Variants in LRP1 observed in about 807,000 individuals in gnomAD.
LRP1 encodes the protein LDL receptor related protein 1, also known as prolow-density lipoprotein receptor-related protein 1.
Under a neutral mutation model 541.5 loss-of-function variants are expected in LRP1, and 51 were observed. That is an observed-to-expected ratio of 0.09 (90% CI 0.08 to 0.12). The LOEUF (loss-of-function observed/expected upper bound fraction) is 0.12, where lower values mean the gene tolerates loss of function less well. LRP1 is among the 10% of genes least tolerant of loss of function. The pLI, the probability that LRP1 is intolerant of heterozygous loss-of-function variation, is 1.00. For missense variants in LRP1, 3,878 were observed against 6,376.2 expected (o/e 0.61, Z 13.34); for synonymous variants, 2,219 against 2,470.8 (o/e 0.90, Z 3.02).
chr12:57,196,628 G>A (rs560994176), intron 55 of LRP1, among the ~76,000 whole-genome samples: 59 of 152,198 alleles, frequency 3.9e-4, no homozygotes, highest in Non-Finnish European at 7.5e-4. Context: ...CAAGGGAGCA[G>A]TGTAGGTGGA....
At chr12:57,182,061 G>A (rs145817261) in intron 34 of LRP1, among the ~76,000 whole-genome samples, 15 of 152,250 alleles carry the variant, frequency 9.9e-5, no homozygotes, top group East Asian at 3.9e-4. Context: ...TTTTTCAAGC[G>A]TTTGGGGTTT....
chr12:57,169,666 T>C lies in LRP1; in HGVS notation c.3163+359T>C, dbSNP rs141768943. On this transcript the variant is annotated intron_variant, in intron 20 of 88. Coordinates refer to ENST00000243077, the MANE Select transcript of LRP1 (RefSeq NM_002332.3). Reference sequence around the variant, plus strand: ...AATAGCACCAACATCACAGCGCTGATGTGGGAGTTTAGTGAGATCACGCAC... The same window carrying C: ...AATAGCACCAACATCACAGCGCTGACGTGGGAGTTTAGTGAGATCACGCAC... 4.9e-3 allele frequency among the ~76,000 whole-genome samples: 752 copies of C among 152,304 alleles called. 3 individuals are homozygous for C. Among genetic ancestry groups the C allele is most frequent in the Non-Finnish European group, 8.1e-3 (553 of 68,008 alleles).
chr12:57,139,962 A>G (rs1368009002), intron 2 of LRP1, among the ~76,000 whole-genome samples: 2 of 152,218 alleles, frequency 1.3e-5, no homozygotes, highest in Non-Finnish European at 2.9e-5. Flanking sequence ...ACTCCCATCC[A>G]GGCACACATG....
intron 79 of LRP1, 118 bp from the exon 80 acceptor site, chr12:57,209,574 T>A: frequency 1.2e-6 from 1 of 808,844 alleles, no homozygotes; most frequent in Non-Finnish European, 2.1e-6. Flanking sequence ...GGAGAGAGAA[T>A]TTGGTCTGGA....
At chr12:57,174,085 G>A in intron 22 of LRP1, 105 bp downstream of exon 22, 2 of 1,201,132 alleles carry the variant, frequency 1.7e-6, no homozygotes. Context: ...AGCTCTGGCA[G>A]CCGGGCAGGC....
rs963947488 is a variant in LRP1 at position 57,195,409 on chromosome 12, G to A, written c.8437+10G>A. The A allele has an allele frequency of 8.7e-6, 14 of 1,602,306 alleles. No individual in the cohort carries two copies. Among genetic ancestry groups the A allele is most frequent in the African/African-American group, 8.0e-5 (6 of 74,904 alleles). ...ATCGCAGCTGGTTGCTGTGAGTGGC[G>A]GGGCCACGTGGAGCGGGTGGACAGC... On this transcript the variant is annotated intron_variant, in intron 52 of 88. Coordinates refer to ENST00000243077, the MANE Select transcript of LRP1 (RefSeq NM_002332.3).
rs76276839 is a variant in LRP1 at position 57,148,095 on chromosome 12, T to C, written c.841+2605T>C. Among the ~76,000 whole-genome samples the C allele has an allele frequency of 8.9e-3, 1,351 of 151,802 alleles. 20 individuals carry two copies. The highest frequency in any genetic ancestry group is 0.03 in the African/African-American group (1,245 of 41,362). Reference sequence around the variant, plus strand: ...CCAGTACCAAGAGCAGCCCTGGCTTTCACTACTGCTTTCTCAAAGGGGCTA... The same window carrying C: ...CCAGTACCAAGAGCAGCCCTGGCTTCCACTACTGCTTTCTCAAAGGGGCTA... On this transcript the variant is annotated intron_variant, in intron 6 of 88. Transcript: ENST00000243077.
At chr12:57,150,221 TCA>T (rs1233616860) in intron 6 of LRP1, among the ~76,000 whole-genome samples, 1 of 115,730 alleles carries the variant, frequency 8.6e-6, no homozygotes, top group African/African-American at 3.4e-5. Flanking sequence ...AGATGGAGTC[TCA>T]CTCTGTCGCC....
At chr12:57,148,989 T>C (rs1489754146) in intron 6 of LRP1, 1 of 657,570 alleles carries the variant, frequency 1.5e-6, no homozygotes, top group East Asian at 2.9e-5. Context: ...AGTGTGTGTG[T>C]TTTCGAAATC....
In LRP1 at chr12:57,185,043, T is replaced by G. The variant is rs2036241108; in HGVS notation, c.6339-38T>G. Reference sequence around the variant, plus strand: ...GCTGATCTCTTCCTTCCCTCCTGCCTCCACTGATGCCCTGCTTGTGCCCTG... The same window carrying G: ...GCTGATCTCTTCCTTCCCTCCTGCCGCCACTGATGCCCTGCTTGTGCCCTG... On this transcript the variant is annotated intron_variant, in intron 39 of 88. Transcript: ENST00000243077. This position sits in a 1 kb window ranked among gnomAD's most constrained non-coding sequence, Gnocchi z 4.9. 6.2e-7 allele frequency: 1 copy of G among 1,614,014 alleles called. No individual in the cohort carries two copies. Among genetic ancestry groups the G allele is most frequent in the Non-Finnish European group, 8.5e-7 (1 of 1,179,904 alleles).
rs1253957470 is a variant in LRP1 at position 57,169,173 on chromosome 12, G to C, written c.3029G>C (p.Gly1010Ala). The C allele has an allele frequency of 2.5e-6, 4 of 1,612,420 alleles. No homozygotes were observed. Among genetic ancestry groups the C allele is most frequent in the African/African-American group, 1.3e-5 (1 of 75,026 alleles). The change falls in exon 20 of 89, where the codon GGC becomes GCC. Residue 1010 changes from glycine to alanine, a missense_variant. Gly to Ala is a moderately conservative substitution (Grantham distance 60). Transcript: ENST00000243077. Reference protein sequence around the residue: ...NDCGDNSDEAGCSHSCSSTQF... With the variant: ...NDCGDNSDEAACSHSCSSTQF... The stretch of plus-strand genomic sequence containing the variant: ...TGTGGGGACAACAGTGACGAAGCCG[G>C]CTGCAGCCACTCCTGTTCTAGCACC...
chr12:57,156,984 C>T lies in LRP1; in HGVS notation c.1561+64C>T. On this transcript the variant is annotated intron_variant, in intron 10 of 88. Transcript: ENST00000243077. This position sits in a 1 kb window ranked among gnomAD's most constrained non-coding sequence, Gnocchi z 5.2. ...CTGCGGGAGGGTTCCTCAGGTGTCCCCCACAGCCCGGCTGCCTCTGTCTGA... is the reference window on the plus strand; with the variant it reads ...CTGCGGGAGGGTTCCTCAGGTGTCCTCCACAGCCCGGCTGCCTCTGTCTGA... 1 of 1,476,816 alleles carries T rather than the reference C, an allele frequency of 6.8e-7. No individual in the cohort carries two copies. Among genetic ancestry groups the T allele is most frequent in the South Asian group, 1.4e-5 (1 of 73,338 alleles). The allele number at this position is 1,476,816 out of a possible 1,614,324, so 91.5% of individuals were successfully genotyped here.
In LRP1 at chr12:57,190,931, C is replaced by G; in HGVS notation, c.7158C>G (p.His2386Gln). Residue 2386 changes from histidine to glutamine, a missense_variant, in exon 43 of 89, where the codon CAC becomes CAG. Transcript: ENST00000243077. ...CCCCCAATGGCCTGGCCATCGACCA[C>G]CGTGCCGAGAAGCTCTACTTCTCTG... is the stretch of plus-strand genomic sequence containing the variant. ...IRTPNGLAID[H>Q]RAEKLYFSDA... The G allele has an allele frequency of 2.5e-6, 4 of 1,613,472 alleles. No homozygotes were observed. The highest frequency in any genetic ancestry group is 1.3e-5 in the African/African-American group (1 of 75,058).
intron 23 of LRP1, 74 bp downstream of exon 23, chr12:57,175,779 C>T: frequency 6.5e-7 from 1 of 1,548,960 alleles, no homozygotes; most frequent in Non-Finnish European, 8.7e-7. Flanking sequence ...GCTTGGTGGC[C>T]AGGTGCCAAA....
In LRP1 at chr12:57,197,518, C is replaced by G; in HGVS notation, c.9163-27C>G. ...TGGCCCCTGTTGCCACAACCGACTT[C>G]TGCTGTCCTTCACTCCCCAAATCCA... is the stretch of plus-strand genomic sequence containing the variant. On this transcript the variant is annotated intron_variant, in intron 57 of 88. Coordinates refer to ENST00000243077, the MANE Select transcript of LRP1 (RefSeq NM_002332.3). This position sits in a 1 kb window ranked among gnomAD's most constrained non-coding sequence, Gnocchi z 4.5. The G allele has an allele frequency of 6.2e-7, 1 of 1,614,030 alleles. No homozygotes were observed. Among genetic ancestry groups the G allele is most frequent in the Non-Finnish European group, 8.5e-7 (1 of 1,179,992 alleles).
intron 22 of LRP1, among the ~76,000 whole-genome samples, chr12:57,174,501 G>A (rs567945505): frequency 1.6e-4 from 25 of 152,322 alleles, no homozygotes; most frequent in African/African-American, 5.8e-4. Flanking sequence ...GGGGGCAGGC[G>A]CGGTGGCTCA....
chr12:57,166,337 T>G, intron 17 of LRP1, 128 bp downstream of exon 17: 1 of 1,283,294 alleles, frequency 7.8e-7, no homozygotes, highest in South Asian at 1.5e-5. Flanking sequence ...AGAGGATCAC[T>G]TGAGCCCAGG....
At chr12:57,193,503 C>T in intron 46 of LRP1, 63 bp from the exon 47 acceptor site, 1 of 1,586,242 alleles carries the variant, frequency 6.3e-7, no homozygotes, top group Non-Finnish European at 8.6e-7. Context: ...TGCATGACGT[C>T]TCAGGGAGGC....
Position 57,180,346 on chromosome 12 carries a change from C to T in LRP1, c.5253C>T (p.Phe1751=). 1.2e-6 allele frequency: 2 copies of T among 1,614,096 alleles called. No homozygotes were observed. Among genetic ancestry groups the T allele is most frequent in the Non-Finnish European group, 1.7e-6 (2 of 1,180,016 alleles). ...CTTTTCCAGGCCTGGCTATTGACTT[C>T]CCTGAAAGCAAACTCTACTGGATCA... ...QKGPVGLAID[F]PESKLYWISS... The change falls in exon 32 of 89, where the codon TTC becomes TTT. Residue 1751 remains phenylalanine, a synonymous_variant. Coordinates refer to ENST00000243077, the MANE Select transcript of LRP1 (RefSeq NM_002332.3).
Sources: allele counts gnomAD v4.1 joint callset (sites outside exome capture counted in the v4.1 genomes callset), GRCh38; gene constraint gnomAD v4.1.1; non-coding constraint Gnocchi (gnomAD v3.1); transcripts MANE v1.5; gene names NCBI Gene and HGNC (gene_info 2026-07-23, HGNC 2026-07-21).